Variants in DNAH11 observed in about 807,000 individuals in gnomAD.
DNAH11 encodes dynein axonemal heavy chain 11, also known as axonemal beta dynein heavy chain 11.
Under a neutral mutation model 526.0 loss-of-function variants are expected in DNAH11, and 442 were observed. The ratio of observed to expected loss-of-function variants is 0.84; its 90% confidence interval spans 0.78 to 0.91. The LOEUF (loss-of-function observed/expected upper bound fraction) is 0.91, where lower values mean the gene tolerates loss of function less well. Among genes scored for constraint, DNAH11 ranks in the 40% least tolerant of loss-of-function variants. DNAH11 has a pLI of 0.00. For synonymous variants in DNAH11, 2,461 were observed against 1,935.9 expected (o/e 1.27, Z -7.12); for missense variants, 6,989 against 5,448.7 (o/e 1.28, Z -8.90).
At chr7:21,802,581 G>A (rs1789042511) in intron 62 of DNAH11, among the ~76,000 whole-genome samples, 1 of 152,028 alleles carries the variant, frequency 6.6e-6, no homozygotes, top group African/African-American at 2.4e-5. Context: ...TCCCTTAATT[G>A]ATAAATGGAT....
intron 18 of DNAH11, among the ~76,000 whole-genome samples, chr7:21,605,158 G>C (rs1298399520): frequency 2.0e-5 from 3 of 152,206 alleles, no homozygotes; most frequent in Non-Finnish European, 4.4e-5. Flanking sequence ...CACACAAATA[G>C]TATTTAGACC....
chr7:21,847,476 C>G (rs1782461215), intron 66 of DNAH11, among the ~76,000 whole-genome samples: 1 of 152,134 alleles, frequency 6.6e-6, no homozygotes, highest in Non-Finnish European at 1.5e-5. Context: ...GTTTAATCTC[C>G]AAATATTTTT....
chr7:21,713,084 G>T (rs956674468), intron 42 of DNAH11, among the ~76,000 whole-genome samples: 25 of 152,300 alleles, frequency 1.6e-4, no homozygotes, highest in Admixed American at 2.6e-4. Context: ...ATGGTGCCCA[G>T]TTGCTTACTC....
At chr7:21,809,691 G>A (rs1398252658) in intron 63 of DNAH11, among the ~76,000 whole-genome samples, 1 of 151,746 alleles carries the variant, frequency 6.6e-6, no homozygotes, top group Non-Finnish European at 1.5e-5. Context: ...AGCCTCCCAA[G>A]TAGCTGGGAT....
chr7:21,653,780 C>A (rs1444927181), intron 28 of DNAH11, among the ~76,000 whole-genome samples: 1 of 152,148 alleles, frequency 6.6e-6, no homozygotes, highest in African/African-American at 2.4e-5. Flanking sequence ...ATTTGAAACT[C>A]GGAGGACTTC....
At chr7:21,654,790 C>G (rs1781939669) in intron 28 of DNAH11, among the ~76,000 whole-genome samples, 2 of 152,158 alleles carry the variant, frequency 1.3e-5, no homozygotes, top group South Asian at 4.1e-4. Flanking sequence ...GATAGAGTAA[C>G]TTCCCTGATT....
At chr7:21,828,147 C>T (rs778571611) in intron 65 of DNAH11, among the ~76,000 whole-genome samples, 2 of 152,104 alleles carry the variant, frequency 1.3e-5, no homozygotes, top group Non-Finnish European at 2.9e-5. Context: ...TGGGGTTTCA[C>T]TATGTTGGTC....
intron 28 of DNAH11, among the ~76,000 whole-genome samples, chr7:21,641,593 A>C (rs537098341): frequency 6.6e-6 from 1 of 152,330 alleles, no homozygotes; most frequent in South Asian, 2.1e-4. Context: ...CTCCTTTTAA[A>C]TCATCAAAAA....
chr7:21,545,273 T>TGAAA, intron 2 of DNAH11, 124 bp downstream of exon 2: 1 of 113,540 alleles, frequency 8.8e-6, no homozygotes, highest in Non-Finnish European at 1.2e-5. Flanking sequence ...ATGGGGGTGG[T>TGAAA]TAAAAAAAAA....
chr7:21,666,831 G>A (rs946140478), intron 30 of DNAH11, among the ~76,000 whole-genome samples: 9 of 151,282 alleles, frequency 5.9e-5, no homozygotes, highest in Admixed American at 5.9e-4. Context: ...TAACTCACAA[G>A]ATCATGAGTA....
At position 21,744,099 on chromosome 7, in the gene DNAH11, G is replaced by C. The variant is rs1343712576; in HGVS notation, c.8155-339G>C. 2.6e-5 allele frequency among the ~76,000 whole-genome samples: 4 copies of C among 152,132 alleles called. No homozygotes were observed. The South Asian group carries it at 8.3e-4, about 32-fold the overall frequency. ...TTTATAGTAAAAAAAATATGATTCT[G>C]TGACTTTCATGTTAGCTGTTTGTAC... is the stretch of plus-strand genomic sequence containing the variant. On this transcript the variant is annotated intron_variant, in intron 49 of 81. Transcript: ENST00000409508.
chr7:21,658,161 A>T (rs2390549), intron 29 of DNAH11, among the ~76,000 whole-genome samples: 90,832 of 150,620 alleles, frequency 0.6, 27,312 homozygotes, highest in Admixed American at 0.69. Context: ...TCAATTTTTT[A>T]AAAAAAAAAA....
chr7:21,584,352 C>G lies in DNAH11; in HGVS notation c.1710+2331C>G, dbSNP rs539764779. The stretch of plus-strand genomic sequence containing the variant: ...AACAGAAAACCAAACACTGCATGTT[C>G]TCACTCATAAGTGGGAGTTAAACAG... On this transcript the variant is annotated intron_variant, in intron 9 of 81. Transcript: ENST00000409508. 1.3e-4 allele frequency among the ~76,000 whole-genome samples: 20 copies of G among 152,252 alleles called. No individual in the cohort carries two copies. The South Asian group carries it at 3.1e-3, about 24-fold the overall frequency.
chr7:21,648,638 G>C (rs1044366840), intron 28 of DNAH11, among the ~76,000 whole-genome samples: 2 of 152,142 alleles, frequency 1.3e-5, no homozygotes, highest in African/African-American at 4.8e-5. Context: ...CCAACACACA[G>C]AATTGTGGCT....
At position 21,591,352 on chromosome 7, in the gene DNAH11, G is replaced by C; in HGVS notation, c.2442G>C (p.Glu814Asp). 2.5e-6 allele frequency: 4 copies of C among 1,613,818 alleles called. No individual in the cohort carries two copies. Among genetic ancestry groups the C allele is most frequent in the Non-Finnish European group, 3.4e-6 (4 of 1,179,726 alleles). ...AGGATGACTGCTGGGGCTACATCGA[G>C]AGGGTGAGGGCAGCCACGTCCGAGT... ...TWQDDCWGYIERVRAATSELE... is the reference protein window; with the variant it reads ...TWQDDCWGYIDRVRAATSELE... Residue 814 changes from glutamate (E) to aspartate (D), a missense_variant, in exon 14 of 82, where the codon GAG becomes GAC. Transcript: ENST00000409508.
intron 25 of DNAH11, among the ~76,000 whole-genome samples, chr7:21,622,935 A>G (rs1190937132): frequency 6.6e-6 from 1 of 152,142 alleles, no homozygotes; most frequent in Non-Finnish European, 1.5e-5. Context: ...AAAACACCAA[A>G]AGCAATGGCA....
At chr7:21,632,896 T>C (rs1786682306) in intron 25 of DNAH11, among the ~76,000 whole-genome samples, 1 of 152,188 alleles carries the variant, frequency 6.6e-6, no homozygotes, top group Non-Finnish European at 1.5e-5. Context: ...AATTAGTTCA[T>C]TTTCATGCTG....
chr7:21,739,542 G>A, intron 47 of DNAH11, 29 bp from the exon 48 acceptor site: 2 of 1,587,440 alleles, frequency 1.3e-6, no homozygotes, highest in African/African-American at 1.4e-5. Context: ...CCAGTTTTTG[G>A]ATTTAAGGTT....
chr7:21,839,384 A>G (rs1438662803), intron 65 of DNAH11, among the ~76,000 whole-genome samples: 1 of 151,918 alleles, frequency 6.6e-6, no homozygotes, highest in Non-Finnish European at 1.5e-5. Context: ...ACCAGCCTGG[A>G]CAACATGGTG....
Sources: gnomAD v4.1 joint callset for allele counts (sites outside exome capture counted in the v4.1 genomes callset) on GRCh38, gnomAD v4.1.1 for gene constraint, MANE v1.5 for transcripts, NCBI Gene and HGNC (gene_info 2026-07-23, HGNC 2026-07-21) for gene names.